The following ERGIC1 variants were observed in gnomAD, a reference collection of about 807,000 sequenced individuals.
ERGIC1 encodes endoplasmic reticulum-Golgi intermediate compartment protein 1.
Under a neutral mutation model 38.3 loss-of-function variants are expected in ERGIC1, and 19 were observed. The observed-to-expected ratio is 0.50, with a 90% CI of 0.35 to 0.73. ERGIC1 has a LOEUF of 0.73. Among genes scored for constraint, ERGIC1 ranks in the 30% least tolerant of loss-of-function variants. ERGIC1 has a pLI of 0.01. For missense variants in ERGIC1, 294 were observed against 389.2 expected (o/e 0.76, Z 2.06); for synonymous variants, 124 against 157.6 (o/e 0.79, Z 1.60).
chr5:172,870,281 A>C (rs1445926661), intron 1 of ERGIC1, among the ~76,000 whole-genome samples: 2 of 152,158 alleles, frequency 1.3e-5, no homozygotes, highest in East Asian at 3.8e-4. Context: ...GGTTTCACTT[A>C]ACGGGCTGCC....
chr5:172,870,065 C>G lies in ERGIC1; in HGVS notation c.21-18634C>G, dbSNP rs189167435. Among the ~76,000 whole-genome samples the G allele has an allele frequency of 7.9e-5, 12 of 152,318 alleles. No homozygotes were observed. The East Asian group carries it at 2.1e-3, about 27-fold the overall frequency. ...CTCTATAACTTTTATGTCTCTCTCT[C>G]TCTTCTTGCTGTATCTTTCATTCTA... On this transcript the variant is annotated intron_variant, in intron 1 of 9. Transcript: ENST00000393784.
At chr5:172,909,865 G>T in intron 4 of ERGIC1, 104 bp downstream of exon 4, 1 of 989,908 alleles carries the variant, frequency 1.0e-6, no homozygotes, top group Non-Finnish European at 1.6e-6. Context: ...GCCAACATAT[G>T]GTTCTCCCCA....
chr5:172,899,308 CTTCT>C (rs1762812098), intron 3 of ERGIC1, among the ~76,000 whole-genome samples: 1 of 125,416 alleles, frequency 8.0e-6, no homozygotes, highest in East Asian at 2.5e-4. Context: ...TTGGGAGTTA[CTTCT>C]TTTTTTTTTT....
intron 4 of ERGIC1, 57 bp from the exon 5 acceptor site, chr5:172,914,657 C>G (rs750671635): frequency 1.2e-6 from 2 of 1,613,202 alleles, no homozygotes; most frequent in African/African-American, 1.3e-5. Flanking sequence ...AACAGGCTGG[C>G]CCCCATCCTC....
At position 172,869,851 on chromosome 5, in the gene ERGIC1, C is replaced by G. The variant is rs75923770; in HGVS notation, c.21-18848C>G. Among the ~76,000 whole-genome samples the G allele has an allele frequency of 8.0e-4, 122 of 152,282 alleles. 1 individual carries two copies. The East Asian group carries it at 0.016, about 20-fold the overall frequency. On this transcript the variant is annotated intron_variant, in intron 1 of 9. Coordinates refer to ENST00000393784, the MANE Select transcript of ERGIC1 (RefSeq NM_001031711.3). ...TTTTTGCCTTTAAGATGCATCTGGA[C>G]TCATCAAACCCAGAAAGTGTAGAGC...
intron 1 of ERGIC1, among the ~76,000 whole-genome samples, chr5:172,854,621 G>A (rs886114753): frequency 1.3e-5 from 2 of 152,222 alleles, no homozygotes; most frequent in African/African-American, 2.4e-5. Flanking sequence ...GTGTGTGGGC[G>A]TGTGTGCCCT....
rs990815302 is a variant in ERGIC1, at chr5:172,839,072, C to A, written c.20+4639C>A. Among the ~76,000 whole-genome samples, 7 of 151,518 alleles carry A rather than the reference C, an allele frequency of 4.6e-5. No homozygotes were observed. In the East Asian group the frequency reaches 1.4e-3, roughly 30 times the overall value. ...CCTGGCCAACATGGTGAAACCCCGT[C>A]TCTAATAAAAATACAAAAATCAGCC... is the stretch of plus-strand genomic sequence containing the variant. On this transcript the variant is annotated intron_variant, in intron 1 of 9. Transcript: ENST00000393784.
At chr5:172,882,582 C>G (rs892343963) in intron 1 of ERGIC1, among the ~76,000 whole-genome samples, 1 of 152,118 alleles carries the variant, frequency 6.6e-6, no homozygotes, top group African/African-American at 2.4e-5. Flanking sequence ...CATTTTCTCC[C>G]TGGAAAAATG....
intron 1 of ERGIC1, among the ~76,000 whole-genome samples, chr5:172,847,502 T>C (rs534607849): frequency 6.6e-6 from 1 of 152,196 alleles, no homozygotes; most frequent in Admixed American, 6.5e-5. Context: ...GCATGTGATA[T>C]ATATATATAT....
intron 1 of ERGIC1, among the ~76,000 whole-genome samples, chr5:172,835,005 G>C (rs1190278991): frequency 1.3e-5 from 2 of 152,252 alleles, no homozygotes; most frequent in Non-Finnish European, 2.9e-5. Flanking sequence ...GGGGCACCAT[G>C]GGAAGGGGAG....
In ERGIC1 at chr5:172,846,754, G is replaced by T. The variant is rs1761290145; in HGVS notation, c.20+12321G>T. Among the ~76,000 whole-genome samples, 1 of 152,254 alleles carries T rather than the reference G, an allele frequency of 6.6e-6. No homozygotes were observed. Among genetic ancestry groups the T allele is most frequent in the Admixed American group, 6.5e-5 (1 of 15,286 alleles). On this transcript the variant is annotated intron_variant, in intron 1 of 9. Coordinates refer to ENST00000393784, the MANE Select transcript of ERGIC1 (RefSeq NM_001031711.3). This position sits in a 1 kb window ranked among gnomAD's most constrained non-coding sequence, Gnocchi z 4.0. ...TCTTTTAAGTCCCTTACAGTAGACA[G>T]TGGTGGGCCTGTCTGGAGCTCATTG...
rs530133177 is a variant in ERGIC1 at position 172,846,561 on chromosome 5, T to C, written c.20+12128T>C. On this transcript the variant is annotated intron_variant, in intron 1 of 9. Transcript: ENST00000393784. The surrounding 1 kb of genome is among the most constrained non-coding windows in gnomAD (Gnocchi z 4.0). ...AGCAGAGCTAGGATTGCAGCTGATC[T>C]GGGTCCCCACTCCACAGTCTTTGGA... Among the ~76,000 whole-genome samples the C allele has an allele frequency of 2.8e-4, 42 of 152,304 alleles. No individual in the cohort carries two copies. The highest frequency in any genetic ancestry group is 9.1e-4 in the African/African-American group (38 of 41,564).
At chr5:172,887,893 G>A (rs915554757) in intron 1 of ERGIC1, among the ~76,000 whole-genome samples, 8 of 152,186 alleles carry the variant, frequency 5.3e-5, no homozygotes, top group Non-Finnish European at 5.9e-5. Context: ...GGGTGCAGCC[G>A]GAGTGGAAAC....
At chr5:172,859,389 G>T (rs1301057891) in intron 1 of ERGIC1, among the ~76,000 whole-genome samples, 1 of 151,390 alleles carries the variant, frequency 6.6e-6, no homozygotes, top group Non-Finnish European at 1.5e-5. Context: ...CAACTCCCAT[G>T]GCCGCCTCCT....
intron 5 of ERGIC1, among the ~76,000 whole-genome samples, chr5:172,918,565 AT>A (rs1409819254): frequency 6.6e-6 from 1 of 152,256 alleles, no homozygotes; most frequent in Non-Finnish European, 1.5e-5. Flanking sequence ...ATGTATAGAT[AT>A]CAAAGAGCAG....
chr5:172,865,079 C>T (rs1761820423), intron 1 of ERGIC1, among the ~76,000 whole-genome samples: 1 of 109,388 alleles, frequency 9.1e-6, no homozygotes, highest in Non-Finnish European at 1.7e-5. Context: ...TTTTTTGAGA[C>T]AGTCTCACTC....
chr5:172,871,825 G>A (rs748734866), intron 1 of ERGIC1, among the ~76,000 whole-genome samples: 3 of 152,208 alleles, frequency 2.0e-5, no homozygotes, highest in Non-Finnish European at 2.9e-5. Context: ...GACAGGCCCT[G>A]ACTGTGTCTT....
At position 172,872,558 on chromosome 5, in the gene ERGIC1, T is replaced by A. The variant is rs1406142230; in HGVS notation, c.21-16141T>A. Among the ~76,000 whole-genome samples the A allele has an allele frequency of 2.0e-5, 3 of 152,328 alleles. No homozygotes were observed. In the East Asian group the frequency reaches 5.8e-4, roughly 29 times the overall value. On this transcript the variant is annotated intron_variant, in intron 1 of 9. Transcript: ENST00000393784. ...GGCCAGGCTTGGTAGCTCACACCCG[T>A]AATCCCAGCACTTTGGGAGGCCGAG...
intron 7 of ERGIC1, among the ~76,000 whole-genome samples, chr5:172,931,711 C>T (rs1424391425): frequency 6.6e-6 from 1 of 152,182 alleles, no homozygotes; most frequent in Non-Finnish European, 1.5e-5. Flanking sequence ...GCCCGTGGTT[C>T]CTTGGGCATC....
Sources: allele counts gnomAD v4.1 joint callset (sites outside exome capture counted in the v4.1 genomes callset), GRCh38; gene constraint gnomAD v4.1.1; non-coding constraint Gnocchi (gnomAD v3.1); transcripts MANE v1.5; gene names NCBI Gene and HGNC (gene_info 2026-07-23, HGNC 2026-07-21).